Variants in DSCAM observed in about 807,000 individuals in gnomAD.
The protein encoded by DSCAM is cell adhesion molecule DSCAM.
A neutral mutation model predicts 217.7 loss-of-function variants in DSCAM; 47 were observed. The ratio of observed to expected loss-of-function variants is 0.22; its 90% confidence interval spans 0.17 to 0.28. DSCAM has a LOEUF of 0.28. DSCAM is among the 10% of genes least tolerant of loss of function. The probability of loss-of-function intolerance (pLI) is 1.00; values close to 1 mark genes in which losing one functional copy is unlikely to be tolerated. For missense variants in DSCAM, 2,080 were observed against 2,618.3 expected (o/e 0.79, Z 4.49); for synonymous variants, 1,056 against 1,015.3 (o/e 1.04, Z -0.76).
At chr21:40,072,887 T>C (rs1245572146) in intron 27 of DSCAM, among the ~76,000 whole-genome samples, 4 of 152,208 alleles carry the variant, frequency 2.6e-5, no homozygotes, top group Admixed American at 2.6e-4. Context: ...TGAAAGGCCA[T>C]GTTCTCTGAG....
At chr21:40,382,219 G>A (rs1243498971) in intron 3 of DSCAM, among the ~76,000 whole-genome samples, 1 of 151,994 alleles carries the variant, frequency 6.6e-6, no homozygotes, top group East Asian at 1.9e-4. Context: ...AAGTCCCCTA[G>A]TTCTTATTCC....
chr21:40,586,371 AAC>A (rs2076947208), intron 3 of DSCAM, among the ~76,000 whole-genome samples: 1 of 152,216 alleles, frequency 6.6e-6, no homozygotes, highest in Admixed American at 6.5e-5. Context: ...AAAGCAGACT[AAC>A]ACAGAAAATC....
At chr21:40,663,268 G>GTGTGTGT (rs113634212) in intron 3 of DSCAM, among the ~76,000 whole-genome samples, 1 of 42,670 alleles carries the variant, frequency 2.3e-5, no homozygotes, top group African/African-American at 7.0e-5. Flanking sequence ...GTGTGTGTGT[G>GTGTGTGT]GGGGGGGTGT....
At chr21:40,536,567 AATTTTT>A (rs1568887081) in intron 3 of DSCAM, among the ~76,000 whole-genome samples, 2 of 151,784 alleles carry the variant, frequency 1.3e-5, no homozygotes, top group African/African-American at 4.8e-5. Context: ...ACGCCTGGCT[AATTTTT>A]ATTTTTTTAT....
chr21:40,051,595 T>C (rs1487944457), intron 30 of DSCAM, among the ~76,000 whole-genome samples: 1 of 152,174 alleles, frequency 6.6e-6, no homozygotes, highest in African/African-American at 2.4e-5. Context: ...TCTTACAGGA[T>C]TGTTGCAAAG....
At chr21:40,308,043 C>G (rs927240656) in intron 9 of DSCAM, among the ~76,000 whole-genome samples, 2 of 151,878 alleles carry the variant, frequency 1.3e-5, no homozygotes, top group Non-Finnish European at 2.9e-5. Context: ...TGTAACTAAC[C>G]TGCACATTGT....
At chr21:40,568,762 A>C (rs554156744) in intron 3 of DSCAM, among the ~76,000 whole-genome samples, 1 of 152,334 alleles carries the variant, frequency 6.6e-6, no homozygotes, top group Admixed American at 6.5e-5. Flanking sequence ...CTGCCCTATA[A>C]GCAGACAATT....
rs182595815 is a variant in DSCAM at position 40,830,308 on chromosome 21, C to T, written c.43+16311G>A. Among the ~76,000 whole-genome samples, 12 of 144,582 alleles carry T rather than the reference C, an allele frequency of 8.3e-5. No homozygotes were observed. The East Asian group carries it at 2.1e-3, about 25-fold the overall frequency. The allele number at this position is 144,582 out of a possible 152,430, so 94.9% of individuals were successfully genotyped here. The stretch of plus-strand genomic sequence containing the variant: ...GAGGTGCCACACACTTTTAGATGAC[C>T]AGATCTTAAGAGAACTCCCTATCAT... On this transcript the variant is annotated intron_variant, in intron 1 of 32. Coordinates refer to ENST00000400454, the MANE Select transcript of DSCAM (RefSeq NM_001389.5).
Position 40,216,850 on chromosome 21 carries a change from G to A in DSCAM, c.2357-27612C>T, listed in dbSNP as rs115163964. 4.3e-3 allele frequency among the ~76,000 whole-genome samples: 656 copies of A among 152,300 alleles called. 7 individuals are homozygous for A. The highest frequency in any genetic ancestry group is 0.015 in the African/African-American group (634 of 41,550). ...TGTTAGAATGTGATGGAACAGACAG[G>A]ACACCTTGGCAGGGCTAAGTGACCA... On this transcript the variant is annotated intron_variant, in intron 11 of 32. Transcript: ENST00000400454.
At chr21:40,342,667 G>C (rs1287337634) in intron 6 of DSCAM, among the ~76,000 whole-genome samples, 1 of 49,440 alleles carries the variant, frequency 2.0e-5, no homozygotes, top group South Asian at 6.9e-4. Context: ...TTTTTTTTGA[G>C]ACAGTGTCTC....
chr21:40,675,666 A>AAATAAAC (rs1185187860), intron 3 of DSCAM, among the ~76,000 whole-genome samples: 9 of 151,724 alleles, frequency 5.9e-5, no homozygotes, highest in Non-Finnish European at 7.4e-5. Context: ...TGTTAGTCAC[A>AAATAAAC]AATAAACAAA....
chr21:40,136,614 A>C (rs974514812), intron 18 of DSCAM, among the ~76,000 whole-genome samples: 1 of 152,210 alleles, frequency 6.6e-6, no homozygotes, highest in African/African-American at 2.4e-5. Context: ...TACACACGCA[A>C]TCAATAAAAA....
chr21:40,794,395 T>A (rs954021218), intron 1 of DSCAM, among the ~76,000 whole-genome samples: 1 of 152,194 alleles, frequency 6.6e-6, no homozygotes, highest in South Asian at 2.1e-4. Flanking sequence ...GCTTTTTCCA[T>A]CCCACTTGTG....
At chr21:40,178,330 T>C (rs1024487560) in intron 15 of DSCAM, among the ~76,000 whole-genome samples, 1 of 152,192 alleles carries the variant, frequency 6.6e-6, no homozygotes, top group African/African-American at 2.4e-5. Context: ...TAGCTCTCAG[T>C]GGGAAAATGA....
At chr21:40,719,610 C>T (rs1170409186) in intron 1 of DSCAM, among the ~76,000 whole-genome samples, 3 of 152,210 alleles carry the variant, frequency 2.0e-5, no homozygotes, top group Non-Finnish European at 4.4e-5. Flanking sequence ...TGAATCACTA[C>T]ATACTGATAA....
chr21:40,267,263 C>CT lies in DSCAM; in HGVS notation c.2356+8833dup, dbSNP rs79217614. 2.8e-3 allele frequency among the ~76,000 whole-genome samples: 407 copies of CT among 145,176 alleles called. 2 individuals are homozygous for CT. Among genetic ancestry groups the CT allele is most frequent in the South Asian group, 0.013 (57 of 4,506 alleles). ...CCTGCCTGAGCTGTTTTACAGTTAACTTTTTTTTTTTTTATAAGTAGAAGG... is the reference window on the plus strand; with the variant it reads ...CCTGCCTGAGCTGTTTTACAGTTAACTTTTTTTTTTTTTTATAAGTAGAAGG... On this transcript the variant is annotated intron_variant, in intron 11 of 32. Coordinates refer to ENST00000400454, the MANE Select transcript of DSCAM (RefSeq NM_001389.5).
At chr21:40,768,766 G>C (rs916822312) in intron 1 of DSCAM, among the ~76,000 whole-genome samples, 1 of 152,180 alleles carries the variant, frequency 6.6e-6, no homozygotes, top group Non-Finnish European at 1.5e-5. Context: ...TGCGTTGATT[G>C]TAATTGTAGT....
intron 1 of DSCAM, among the ~76,000 whole-genome samples, chr21:40,709,662 T>A (rs1483516224): frequency 6.6e-6 from 1 of 152,242 alleles, no homozygotes; most frequent in East Asian, 1.9e-4. Flanking sequence ...CTGCAAAGGA[T>A]ATGAACTCAT....
At chr21:40,115,567 TA>T (rs927250734) in intron 20 of DSCAM, among the ~76,000 whole-genome samples, 30 of 150,550 alleles carry the variant, frequency 2.0e-4, no homozygotes, top group East Asian at 5.9e-4. Context: ...AGTATAATAA[TA>T]AAAAAAAAGA....
Sources: gnomAD v4.1 joint callset for allele counts (sites outside exome capture counted in the v4.1 genomes callset) on GRCh38, gnomAD v4.1.1 for gene constraint, MANE v1.5 for transcripts, NCBI Gene and HGNC (gene_info 2026-07-23, HGNC 2026-07-21) for gene names.